RPA3: variants seen among roughly 807,000 people sequenced by gnomAD.
RPA3 encodes replication protein A 14 kDa subunit.
Under a neutral mutation model 13.7 loss-of-function variants are expected in RPA3, and 24 were observed. That is an observed-to-expected ratio of 1.75 (90% CI 1.27 to 2.46). The LOEUF is 2.46. Among genes scored for constraint, RPA3 ranks in the 30% most tolerant of loss-of-function variants. The pLI is 0.00. For synonymous variants in RPA3, 59 were observed against 51.2 expected (o/e 1.15, Z -0.65); for missense variants, 183 against 151.0 (o/e 1.21, Z -1.11).
At chr7:7,717,980 T>C (rs1484232500) in intron 1 of RPA3, among the ~76,000 whole-genome samples, 1 of 152,238 alleles carries the variant, frequency 6.6e-6, no homozygotes, top group Non-Finnish European at 1.5e-5. Flanking sequence ...TTTGTCATAG[T>C]TGTGTAGCTT....
At chr7:7,649,089 T>G (rs1583691792) in intron 4 of RPA3, among the ~76,000 whole-genome samples, 1 of 133,380 alleles carries the variant, frequency 7.5e-6, no homozygotes, top group Non-Finnish European at 1.5e-5. Flanking sequence ...ACCCAGGAAG[T>G]GGAGATTGCA....
intron 6 of RPA3, 99 bp from the exon 7 acceptor site, chr7:7,638,071 G>T: frequency 2.8e-6 from 2 of 717,812 alleles, no homozygotes; most frequent in African/African-American, 1.8e-5. Context: ...ATCACTTCAA[G>T]TAACAAAGTA....
chr7:7,659,259 C>T (rs950810879), intron 4 of RPA3, among the ~76,000 whole-genome samples: 9 of 152,072 alleles, frequency 5.9e-5, no homozygotes, highest in Non-Finnish European at 1.2e-4. Flanking sequence ...AAGCCAGCTC[C>T]TGGATTCATT....
intron 4 of RPA3, among the ~76,000 whole-genome samples, chr7:7,655,807 A>G (rs1322011216): frequency 6.8e-6 from 1 of 147,414 alleles, no homozygotes; most frequent in Non-Finnish European, 1.5e-5. Context: ...GTAAGTGTAT[A>G]TATTTAGGAC....
At chr7:7,651,037 C>A (rs1583694122) in intron 4 of RPA3, among the ~76,000 whole-genome samples, 1 of 152,182 alleles carries the variant, frequency 6.6e-6, no homozygotes, top group East Asian at 1.9e-4. Flanking sequence ...TTGAGCAACC[C>A]CTCTGTAGCC....
intron 4 of RPA3, among the ~76,000 whole-genome samples, chr7:7,672,600 T>A (rs1210268729): frequency 2.0e-5 from 3 of 152,168 alleles, no homozygotes; most frequent in African/African-American, 7.2e-5. Context: ...GTTCTCGTGA[T>A]AGTGAGTGAG....
At chr7:7,717,120 G>C (rs1780934742) in intron 1 of RPA3, among the ~76,000 whole-genome samples, 1 of 147,094 alleles carries the variant, frequency 6.8e-6, no homozygotes, top group Admixed American at 6.8e-5. Context: ...GCAATGGCAT[G>C]ATCTTGGCTC....
At chr7:7,694,777 C>T (rs1003737252) in intron 2 of RPA3, among the ~76,000 whole-genome samples, 3 of 152,102 alleles carry the variant, frequency 2.0e-5, no homozygotes, top group African/African-American at 4.8e-5. Flanking sequence ...TTTCTTCATC[C>T]ATTCATCTTT....
intron 5 of RPA3, chr7:7,640,050 A>G (rs1345591890): frequency 2.1e-6 from 1 of 473,206 alleles, no homozygotes; most frequent in Non-Finnish European, 3.8e-6. Context: ...GGTGTTTATA[A>G]TTTCCCTTAC....
intron 1 of RPA3, among the ~76,000 whole-genome samples, chr7:7,716,989 C>T (rs1187171309): frequency 6.6e-6 from 1 of 152,088 alleles, no homozygotes; most frequent in Middle Eastern, 3.2e-3. Context: ...CCCGGAAACC[C>T]GTTCGGGACC....
At chr7:7,646,444 T>G (rs1313570969) in intron 4 of RPA3, among the ~76,000 whole-genome samples, 3 of 151,026 alleles carry the variant, frequency 2.0e-5, no homozygotes, top group South Asian at 2.1e-4. Context: ...TCTCACGAGA[T>G]CTGATGGCTT....
intron 4 of RPA3, among the ~76,000 whole-genome samples, chr7:7,649,640 A>T (rs1785178103): frequency 6.6e-6 from 1 of 151,394 alleles, no homozygotes; most frequent in Non-Finnish European, 1.5e-5. Context: ...CTTTAATGTT[A>T]TCAGTCTGTG....
intron 4 of RPA3, among the ~76,000 whole-genome samples, chr7:7,649,749 C>G (rs1276979280): frequency 6.6e-6 from 1 of 152,128 alleles, no homozygotes; most frequent in Non-Finnish European, 1.5e-5. Flanking sequence ...TCTCTCTCCC[C>G]CCACCCAATT....
intron 4 of RPA3, among the ~76,000 whole-genome samples, chr7:7,662,988 A>G (rs904346647): frequency 1.4e-5 from 2 of 144,996 alleles, no homozygotes; most frequent in East Asian, 4.2e-4. Flanking sequence ...AAAAATTTAA[A>G]GAAGTGTGTG....
intron 4 of RPA3, among the ~76,000 whole-genome samples, chr7:7,677,713 G>A (rs1229753039): frequency 7.8e-5 from 9 of 115,932 alleles, no homozygotes; most frequent in Admixed American, 2.3e-4. Context: ...TCGCTCTGTC[G>A]CCCAGGCTGG....
Position 7,692,145 on chromosome 7 carries a change from G to A in RPA3, c.-1027-4817C>T, listed in dbSNP as rs114170691. Among the ~76,000 whole-genome samples the A allele has an allele frequency of 5.3e-3, 806 of 152,164 alleles. 8 individuals carry two copies. Among genetic ancestry groups the A allele is most frequent in the African/African-American group, 0.018 (762 of 41,512 alleles). On this transcript the variant is annotated intron_variant, in intron 2 of 7. Transcript: ENST00000223129. ...CTTCGCCCCCTTTTTCTGCACTCTC[G>A]CACACATATCACCATCTTCCCTTAC... is the stretch of plus-strand genomic sequence containing the variant.
At chr7:7,711,928 T>G (rs968891540) in intron 2 of RPA3, among the ~76,000 whole-genome samples, 9 of 152,156 alleles carry the variant, frequency 5.9e-5, no homozygotes, top group African/African-American at 1.9e-4. Flanking sequence ...TAACTTTGGT[T>G]ATAGTGTGGT....
At chr7:7,654,526 A>G (rs1785297141) in intron 4 of RPA3, among the ~76,000 whole-genome samples, 1 of 152,174 alleles carries the variant, frequency 6.6e-6, no homozygotes, top group South Asian at 2.1e-4. Context: ...ATGGTATAGT[A>G]TTTGTATATA....
chr7:7,658,317 G>A (rs1344013150), intron 4 of RPA3, among the ~76,000 whole-genome samples: 2 of 152,208 alleles, frequency 1.3e-5, no homozygotes, highest in East Asian at 1.9e-4. Context: ...TCTCTTGCCT[G>A]ATGGCCCTGG....
Sources: gnomAD v4.1 joint callset for allele counts (sites outside exome capture counted in the v4.1 genomes callset) on GRCh38, gnomAD v4.1.1 for gene constraint, MANE v1.5 for transcripts, NCBI Gene and HGNC (gene_info 2026-07-23, HGNC 2026-07-21) for gene names.